Variants in PARK7 observed in about 807,000 individuals in gnomAD.
The protein encoded by PARK7 is Parkinson disease protein 7.
In PARK7, 14 loss-of-function variants were observed where a neutral mutation model predicts 20.5. The ratio of observed to expected loss-of-function variants is 0.68; its 90% CI spans 0.45 to 1.07. The LOEUF is 1.07. PARK7 is among the 50% of genes least tolerant of loss of function. PARK7 has a pLI of 0.00. For missense variants in PARK7, 234 were observed against 238.1 expected, an observed-to-expected ratio of 0.98 and a Z score of 0.11; for synonymous variants, 98 against 84.3, an observed-to-expected ratio of 1.16 and a Z score of -0.89.
At chr1:7,981,808 G>A (rs1640715631) in intron 6 of PARK7, among the ~76,000 whole-genome samples, 4 of 151,588 alleles carry the variant, frequency 2.6e-5, no homozygotes, top group Admixed American at 2.0e-4. Flanking sequence ...ACAGGTGCCC[G>A]CCACCACGCC....
At chr1:7,970,868 T>C in intron 4 of PARK7, 26 bp from the exon 5 acceptor site, 4 of 1,612,870 alleles carry the variant, frequency 2.5e-6, no homozygotes, top group Middle Eastern at 1.7e-4. Flanking sequence ...GATAACTTTA[T>C]GTATTTTTGG....
intron 5 of PARK7, among the ~76,000 whole-genome samples, chr1:7,975,368 G>A (rs1402913767): frequency 6.6e-6 from 1 of 152,142 alleles, no homozygotes; most frequent in African/African-American, 2.4e-5. Context: ...CCAGGTCTAG[G>A]AATGAGGCCT....
At position 7,962,867 on chromosome 1, in the gene PARK7, C is replaced by A. The variant is rs374429170; in HGVS notation, c.82C>A (p.Arg28=). ...GGTCATCCCTGTAGATGTCATGAGG[C>A]GAGCTGGGGTAAGTCCCACATCGAT... is the stretch of plus-strand genomic sequence containing the variant. ...ETVIPVDVMR[R]AGIKVTVAGL... The change falls in exon 2 of 7, where the codon CGA becomes AGA. Residue 28 remains arginine, a synonymous_variant. Coordinates refer to ENST00000338639, the MANE Select transcript of PARK7 (RefSeq NM_007262.5). 1.1e-5 allele frequency: 17 copies of A among 1,612,270 alleles called. No individual in the cohort carries two copies. The highest frequency in any genetic ancestry group is 1.4e-5 in the Non-Finnish European group (16 of 1,179,236).
chr1:7,969,348 C>T lies in PARK7; in HGVS notation c.196C>T (p.Pro66Ser). 1 of 1,611,662 alleles carries T rather than the reference C, an allele frequency of 6.2e-7. No individual in the cohort carries two copies. Among genetic ancestry groups the T allele is most frequent in the Non-Finnish European group, 8.5e-7 (1 of 1,178,496 alleles). ...ASLEDAKKEG[P>S]YDVVVLPGGN... ...TTTATGTTTTAAACTGTTACAGGGA[C>T]CATATGATGTGGTGGTTCTACCAGG... is the stretch of plus-strand genomic sequence containing the variant. The change falls in exon 4 of 7, where the codon CCA (proline) becomes TCA (serine). Residue 66 changes from proline to serine, a missense_variant. Pro to Ser is a moderately conservative substitution (Grantham distance 74). Coordinates refer to ENST00000338639, the MANE Select transcript of PARK7 (RefSeq NM_007262.5).
intron 5 of PARK7, chr1:7,971,762 A>G (rs1170150247): frequency 6.6e-6 from 1 of 152,088 alleles, no homozygotes; most frequent in Non-Finnish European, 1.5e-5. Flanking sequence ...GTGAAACCCC[A>G]TCTCTACTAA....
chr1:7,974,009 C>T (rs1640519908), intron 5 of PARK7, among the ~76,000 whole-genome samples: 2 of 151,534 alleles, frequency 1.3e-5, no homozygotes, highest in South Asian at 4.2e-4. Context: ...TACTTTAAAT[C>T]AACATTAAAA....
chr1:7,982,843 T>C (rs1640739801), intron 6 of PARK7: 1 of 152,272 alleles, frequency 6.6e-6, no homozygotes, highest in Non-Finnish European at 1.5e-5. Flanking sequence ...ATGTACTCTA[T>C]TCATTTATTT....
At chr1:7,963,261 G>A (rs1640247929) in intron 2 of PARK7, among the ~76,000 whole-genome samples, 1 of 152,060 alleles carries the variant, frequency 6.6e-6, no homozygotes, top group Non-Finnish European at 1.5e-5. Context: ...ACAGGGTTTT[G>A]CCATGTTGCC....
rs1475683629 is a variant in PARK7, at chr1:7,965,213, G to T, written c.91-111G>T. On this transcript the variant is annotated intron_variant, in intron 2 of 6. Transcript: ENST00000338639. ...GCTATGATTGTGTCACTGCCCTCTA[G>T]CCCAGGTGACAGGGTGAGACCCCAT... 3 of 946,486 alleles carry T rather than the reference G, an allele frequency of 3.2e-6. No individual in the cohort carries two copies. The East Asian group carries it at 7.6e-5, about 24-fold the overall frequency. 58.6% of individuals were successfully genotyped at this position (946,486 alleles called of 1,614,324 possible).
chr1:7,977,848 C>T, intron 6 of PARK7, 110 bp downstream of exon 6: 1 of 899,474 alleles, frequency 1.1e-6, no homozygotes, highest in Non-Finnish European at 1.8e-6. Flanking sequence ...CAATCCCTGC[C>T]TCCCGGGTTC....
chr1:7,985,060 C>T lies in PARK7; in HGVS notation c.*6C>T, dbSNP rs532144863. On this transcript the variant is annotated 3_prime_UTR_variant, in exon 7 of 7. Coordinates refer to ENST00000338639, the MANE Select transcript of PARK7 (RefSeq NM_007262.5). ...CACTTGTTCTTAAAGACTAGAGCAG[C>T]GAACTGCGACGATCACTTAGAGAAA... The T allele has an allele frequency of 1.4e-5, 22 of 1,613,406 alleles. No individual in the cohort carries two copies. Among genetic ancestry groups the T allele is most frequent in the African/African-American group, 4.0e-5 (3 of 74,878 alleles).
chr1:7,975,206 G>A (rs1640553041), intron 5 of PARK7, among the ~76,000 whole-genome samples: 1 of 152,174 alleles, frequency 6.6e-6, no homozygotes, highest in Non-Finnish European at 1.5e-5. Context: ...TGAACACAAA[G>A]AATATTAGCC....
intron 5 of PARK7, 148 bp downstream of exon 5, chr1:7,971,111 G>A: frequency 1.2e-6 from 1 of 840,110 alleles, no homozygotes. Context: ...CATGAAGTTG[G>A]TGTCATTTCA....
At position 7,984,664 on chromosome 1, in the gene PARK7, C is replaced by T. The variant is rs72854897; in HGVS notation, c.410-230C>T. ...AGTCTTAGCAGCTGCATTTAACTCA[C>T]GCATATTTGTTTCATTCTAACAGTG... is the stretch of plus-strand genomic sequence containing the variant. On this transcript the variant is annotated intron_variant, in intron 6 of 6. Transcript: ENST00000338639. This position sits in a 1 kb window ranked among gnomAD's most constrained non-coding sequence, Gnocchi z 4.3. Among the ~76,000 whole-genome samples, 7,978 of 152,270 alleles carry T rather than the reference C, an allele frequency of 0.052. 692 individuals carry two copies. The highest frequency in any genetic ancestry group is 0.18 in the African/African-American group (7,550 of 41,514).
Position 7,973,222 on chromosome 1 carries a change from C to T in PARK7, c.322+2259C>T, listed in dbSNP as rs183131493. On this transcript the variant is annotated intron_variant, in intron 5 of 6. Coordinates refer to ENST00000338639, the MANE Select transcript of PARK7 (RefSeq NM_007262.5). ...CGTGGGCTTACTACAAGAGTCACCACTAGCCTTTTGACCTGCCCTGAGGCT... is the reference window on the plus strand; with the variant it reads ...CGTGGGCTTACTACAAGAGTCACCATTAGCCTTTTGACCTGCCCTGAGGCT... Among the ~76,000 whole-genome samples, 710 of 152,330 alleles carry T rather than the reference C, an allele frequency of 4.7e-3. 8 individuals carry two copies. The highest frequency in any genetic ancestry group is 0.017 in the South Asian group (83 of 4,830).
chr1:7,980,594 A>G (rs527414460), intron 6 of PARK7, among the ~76,000 whole-genome samples: 2 of 152,268 alleles, frequency 1.3e-5, no homozygotes, highest in South Asian at 4.2e-4. Flanking sequence ...CCTTGCATCC[A>G]GTTTTGGCTT....
intron 4 of PARK7, among the ~76,000 whole-genome samples, chr1:7,970,132 C>A (rs544781894): frequency 6.6e-6 from 1 of 152,010 alleles, no homozygotes; most frequent in Non-Finnish European, 1.5e-5. Flanking sequence ...GGATTTGAGG[C>A]TGCAGTGAGC....
At chr1:7,970,781 G>A (rs566824162) in intron 4 of PARK7, 113 bp from the exon 5 acceptor site, 113 of 938,442 alleles carry the variant, frequency 1.2e-4, no homozygotes, top group Non-Finnish European at 1.9e-4. Flanking sequence ...TTGGAAAATA[G>A]GTCAGAGAGC....
intron 5 of PARK7, among the ~76,000 whole-genome samples, chr1:7,972,673 G>A (rs995689368): frequency 1.3e-5 from 2 of 152,210 alleles, no homozygotes; most frequent in Non-Finnish European, 2.9e-5. Flanking sequence ...GGAAGCTGAG[G>A]TGGGCAGATC....
Sources: allele counts gnomAD v4.1 joint callset (sites outside exome capture counted in the v4.1 genomes callset), GRCh38; gene constraint gnomAD v4.1.1; non-coding constraint Gnocchi (gnomAD v3.1); transcripts MANE v1.5; gene names NCBI Gene and HGNC (gene_info 2026-07-23, HGNC 2026-07-21).